CCDC62: variants seen among roughly 807,000 people sequenced by gnomAD.
CCDC62 encodes the protein coiled-coil domain containing 62.
CCDC62 carries 72 observed loss-of-function variants against 80.8 expected under a neutral mutation model. That is an observed-to-expected ratio of 0.89 (90% CI 0.74 to 1.08). CCDC62 has a LOEUF of 1.08. CCDC62 is among the 50% of genes least tolerant of loss of function. The probability of loss-of-function intolerance (pLI) is 0.00; values close to 1 mark genes in which losing one functional copy is unlikely to be tolerated. For missense variants in CCDC62, 704 were observed against 809.4 expected, an observed-to-expected ratio of 0.87 and a Z score of 1.58; for synonymous variants, 286 against 296.5, an observed-to-expected ratio of 0.96 and a Z score of 0.36.
At chr12:122,782,541 C>T (rs1593782065) in intron 3 of CCDC62, among the ~76,000 whole-genome samples, 1 of 152,138 alleles carries the variant, frequency 6.6e-6, no homozygotes, top group Non-Finnish European at 1.5e-5. Context: ...TCACCATAAC[C>T]TCTGCCTCCT....
At position 122,797,407 on chromosome 12, in the gene CCDC62, A is replaced by G. The variant is rs745351071; in HGVS notation, c.861+12A>G. 22 of 1,470,232 alleles carry G rather than the reference A, an allele frequency of 1.5e-5. No individual in the cohort carries two copies. The highest frequency in any genetic ancestry group is 5.7e-5 in the South Asian group (5 of 87,314). The allele number at this position is 1,470,232 out of a possible 1,614,324, so 91.1% of individuals were successfully genotyped here. A position where few individuals can be genotyped will look rare whatever the true frequency, so the allele number is the denominator to read the frequency against. ...ACAATCTGAGACAGGTATGTCCCCAATCATCCTTCTCTGTCACATAAGAAA... is the reference window on the plus strand; with the variant it reads ...ACAATCTGAGACAGGTATGTCCCCAGTCATCCTTCTCTGTCACATAAGAAA... On this transcript the variant is annotated intron_variant, in intron 7 of 12. Transcript: ENST00000253079.
At chr12:122,805,439 G>A (rs374685176) in intron 9 of CCDC62, among the ~76,000 whole-genome samples, 1 of 144,176 alleles carries the variant, frequency 6.9e-6, no homozygotes, top group Non-Finnish European at 1.5e-5. Context: ...CGCCTCCTGG[G>A]TTCAAGCAAT....
At chr12:122,796,006 TAGTC>T (rs1372019937) in intron 6 of CCDC62, among the ~76,000 whole-genome samples, 1 of 152,098 alleles carries the variant, frequency 6.6e-6, no homozygotes, top group Admixed American at 6.5e-5. Flanking sequence ...CTTGTGAAAA[TAGTC>T]AGACCCAATC....
At chr12:122,804,376 A>G (rs1347284885) in intron 9 of CCDC62, among the ~76,000 whole-genome samples, 1 of 152,188 alleles carries the variant, frequency 6.6e-6, no homozygotes, top group Non-Finnish European at 1.5e-5. Flanking sequence ...AGTCCCAGCT[A>G]CTCGGGAGGC....
At chr12:122,798,228 G>GC in intron 8 of CCDC62, 28 bp downstream of exon 8, 3 of 1,049,678 alleles carry the variant, frequency 2.9e-6, no homozygotes, top group Non-Finnish European at 4.5e-6. Flanking sequence ...CAATTAATAT[G>GC]ATCTTGTATT....
intron 5 of CCDC62, among the ~76,000 whole-genome samples, chr12:122,789,591 C>A (rs1220100160): frequency 1.3e-5 from 2 of 152,132 alleles, no homozygotes; most frequent in East Asian, 3.9e-4. Context: ...TACCACCATG[C>A]CTGGCTAATT....
intron 8 of CCDC62, among the ~76,000 whole-genome samples, chr12:122,798,511 G>A (rs954457109): frequency 1.4e-4 from 22 of 152,166 alleles, no homozygotes; most frequent in East Asian, 3.9e-4. Flanking sequence ...GCTGAGGCAC[G>A]AGAATCGCTT....
intron 4 of CCDC62, among the ~76,000 whole-genome samples, 177 bp downstream of exon 4, chr12:122,785,997 A>G (rs138067243): frequency 1.3e-5 from 2 of 152,354 alleles, no homozygotes; most frequent in East Asian, 1.9e-4. Context: ...TTCCCAAGGC[A>G]TGAAGAAAGG....
At position 122,783,112 on chromosome 12, in the gene CCDC62, A is replaced by AAAAGATG. The variant is rs2094735918; in HGVS notation, c.396+1783_396+1789dup. On this transcript the variant is annotated intron_variant, in intron 3 of 12. Transcript: ENST00000253079. ...AAAGAGCGAGACTCCTTGTCAAAAA[A>AAAAGATG]AAAGATGGATTTTTTTGGTTTTCTC... is the stretch of plus-strand genomic sequence containing the variant. Among the ~76,000 whole-genome samples the AAAAGATG allele has an allele frequency of 4.1e-5, 5 of 122,762 alleles. No homozygotes were observed. In the Admixed American group the frequency reaches 4.4e-4, roughly 11 times the overall value. 80.5% of individuals were successfully genotyped at this position (122,762 alleles called of 152,430 possible).
rs369501313 is a variant in CCDC62, at chr12:122,784,633, C to T, written c.397-1086C>T. Reference sequence around the variant, plus strand: ...ATCGCTTAAGGCCAGGAGTTCAAGACCAGCCTGGGCAACATAGCGAGACCC... The same window carrying T: ...ATCGCTTAAGGCCAGGAGTTCAAGATCAGCCTGGGCAACATAGCGAGACCC... On this transcript the variant is annotated intron_variant, in intron 3 of 12. Coordinates refer to ENST00000253079, the MANE Select transcript of CCDC62 (RefSeq NM_201435.5). Among the ~76,000 whole-genome samples the T allele has an allele frequency of 8.2e-4, 125 of 152,062 alleles. 3 individuals carry two copies. The South Asian group carries it at 0.026, about 31-fold the overall frequency.
chr12:122,797,567 G>A (rs1431456517), intron 7 of CCDC62, among the ~76,000 whole-genome samples, 172 bp downstream of exon 7: 2 of 152,064 alleles, frequency 1.3e-5, no homozygotes, highest in Non-Finnish European at 2.9e-5. Context: ...TTGAGACGGA[G>A]TCTCGCACTG....
chr12:122,794,177 T>C (rs1453739605), intron 6 of CCDC62, among the ~76,000 whole-genome samples: 2 of 152,216 alleles, frequency 1.3e-5, no homozygotes, highest in Non-Finnish European at 2.9e-5. Flanking sequence ...TGTTAGCTAA[T>C]ATTATAATAA....
intron 3 of CCDC62, among the ~76,000 whole-genome samples, chr12:122,783,037 G>A (rs2029963318): frequency 1.3e-5 from 2 of 150,794 alleles, no homozygotes; most frequent in South Asian, 4.2e-4. Flanking sequence ...AACCTGAGAG[G>A]CAGAGGTTGC....
chr12:122,806,048 A>G (rs1483372378), intron 9 of CCDC62, 103 bp from the exon 10 acceptor site: 13 of 1,096,268 alleles, frequency 1.2e-5, no homozygotes, highest in Middle Eastern at 2.8e-4. Context: ...CTTCAATAAC[A>G]AAAACACTTA....
At chr12:122,823,743 G>A (rs867994953) in intron 12 of CCDC62, among the ~76,000 whole-genome samples, 2 of 149,682 alleles carry the variant, frequency 1.3e-5, no homozygotes, top group Admixed American at 6.7e-5. Context: ...TGGCTCACAC[G>A]TGTAATCCCA....
At chr12:122,815,763 T>G (rs1372874666) in intron 11 of CCDC62, among the ~76,000 whole-genome samples, 2 of 152,228 alleles carry the variant, frequency 1.3e-5, no homozygotes, top group African/African-American at 2.4e-5. Context: ...AGTAGTTTTT[T>G]TGTAGATTCC....
chr12:122,814,298 AAAAGAGAGAG>A (rs1207795674), intron 11 of CCDC62, among the ~76,000 whole-genome samples: 10 of 15,858 alleles, frequency 6.3e-4, no homozygotes, highest in African/African-American at 1.2e-3. Context: ...AAAAAAAAAA[AAAAGAGAGAG>A]AGAAAGAAAG....
At chr12:122,816,911 C>T (rs1400992149) in intron 11 of CCDC62, among the ~76,000 whole-genome samples, 1 of 152,070 alleles carries the variant, frequency 6.6e-6, no homozygotes, top group Non-Finnish European at 1.5e-5. Flanking sequence ...CACTGGTTAC[C>T]ACAATCTACT....
intron 2 of CCDC62, among the ~76,000 whole-genome samples, chr12:122,780,772 ATTATC>A (rs1879808140): frequency 6.6e-6 from 1 of 152,202 alleles, no homozygotes; most frequent in Admixed American, 6.5e-5. Flanking sequence ...TCTCAGAATC[ATTATC>A]TTAAGCAAAA....
Sources: allele counts gnomAD v4.1 joint callset (sites outside exome capture counted in the v4.1 genomes callset), GRCh38; gene constraint gnomAD v4.1.1; transcripts MANE v1.5; gene names NCBI Gene and HGNC (gene_info 2026-07-23, HGNC 2026-07-21).